The following CTBP2 variants were observed in gnomAD, a reference collection of about 807,000 sequenced individuals.
CTBP2 encodes the protein C-terminal-binding protein 2.
A neutral mutation model predicts 80.3 loss-of-function variants in CTBP2; 30 were observed. The ratio of observed to expected loss-of-function variants is 0.37; its 90% CI spans 0.28 to 0.51. The LOEUF (loss-of-function observed/expected upper bound fraction) is 0.51, where lower values mean the gene tolerates loss of function less well. Ranked by LOEUF, CTBP2 falls within the 20% of genes least tolerant of loss-of-function variation. The probability of loss-of-function intolerance (pLI) is 0.93; values close to 1 mark genes in which losing one functional copy is unlikely to be tolerated. For synonymous variants in CTBP2, 594 were observed against 587.4 expected (o/e 1.01, Z -0.16); for missense variants, 1,212 against 1,375.3 (o/e 0.88, Z 1.88).
At chr10:125,068,334 A>C (rs1844959854) in intron 2 of CTBP2, among the ~76,000 whole-genome samples, 1 of 152,254 alleles carries the variant, frequency 6.6e-6, no homozygotes, top group African/African-American at 2.4e-5. Flanking sequence ...AAAGAATTCA[A>C]ACTACGTAGA....
At chr10:125,084,647 A>G (rs1590655404) in intron 2 of CTBP2, among the ~76,000 whole-genome samples, 1 of 152,104 alleles carries the variant, frequency 6.6e-6, no homozygotes, top group Admixed American at 6.5e-5. Flanking sequence ...AGACCAGTGA[A>G]GCACTCAGAA....
chr10:125,096,111 CA>C (rs1327151698), intron 2 of CTBP2, among the ~76,000 whole-genome samples: 2 of 152,078 alleles, frequency 1.3e-5, no homozygotes, highest in Non-Finnish European at 2.9e-5. Context: ...TTGTCAAACA[CA>C]AAAAAAGCAA....
chr10:125,027,050 C>T lies in CTBP2; in HGVS notation c.710G>A (p.Ser237Asn). 2 of 1,613,448 alleles carry T rather than the reference C, an allele frequency of 1.2e-6. No individual in the cohort carries two copies. The highest frequency in any genetic ancestry group is 3.3e-5 in the Admixed American group (2 of 60,002). Reference sequence around the variant, plus strand: ...GCTGCCTTCGGGGGCAGCAGCTGAACTGGGGTCCACAACCAGGCACGTCGG... The same window carrying T: ...GCTGCCTTCGGGGGCAGCAGCTGAATTGGGGTCCACAACCAGGCACGTCGG... Residue 237 changes from serine to asparagine, a missense_variant, in exon 1 of 9, where the codon AGT becomes AAT. Ser to Asn is a conservative substitution (Grantham distance 46). Coordinates refer to ENST00000309035, the MANE Select transcript of CTBP2 (RefSeq NM_022802.3).
intron 3 of CTBP2, 113 bp downstream of exon 3, chr10:125,038,884 C>CGGA: frequency 9.6e-7 from 1 of 1,045,716 alleles, no homozygotes; most frequent in Middle Eastern, 2.1e-4. Flanking sequence ...GTGTTGGAAT[C>CGGA]GGAGGAGGGA....
intron 3 of CTBP2, among the ~76,000 whole-genome samples, chr10:125,001,965 TCA>T (rs3842241): frequency 0.16 from 24,997 of 152,096 alleles, 3,056 homozygotes; most frequent in African/African-American, 0.33. Context: ...AACACTCCGC[TCA>T]CACACAGAGC....
chr10:125,098,683 A>G (rs1850004852), intron 2 of CTBP2, among the ~76,000 whole-genome samples: 1 of 141,156 alleles, frequency 7.1e-6, no homozygotes, highest in African/African-American at 2.7e-5. Context: ...AGAGAGAGAG[A>G]GAGAGAGAGA....
At chr10:125,153,067 A>G (rs1325199976) in intron 1 of CTBP2, among the ~76,000 whole-genome samples, 3 of 152,230 alleles carry the variant, frequency 2.0e-5, no homozygotes, top group Admixed American at 6.5e-5. Context: ...TGCCTGTGCC[A>G]GGAGCCCACG....
Position 125,065,543 on chromosome 10 carries a change from A to C in CTBP2, c.-101-26388T>G, listed in dbSNP as rs1244034180. The stretch of plus-strand genomic sequence containing the variant: ...AAATGCCAGTATCAGGGAAATACCA[A>C]GTCCACATCCTGCGCAGTCAGCTCC... On this transcript the variant is annotated intron_variant, in intron 2 of 10. Coordinates refer to the CTBP2 transcript ENST00000337195. Among the ~76,000 whole-genome samples, 6 of 152,116 alleles carry C rather than the reference A, an allele frequency of 3.9e-5. No homozygotes were observed. In the East Asian group the frequency reaches 1.2e-3, roughly 29 times the overall value.
chr10:125,040,236 C>T (rs1205043691), intron 2 of CTBP2, among the ~76,000 whole-genome samples: 1 of 152,184 alleles, frequency 6.6e-6, no homozygotes, highest in Non-Finnish European at 1.5e-5. Flanking sequence ...GGGCAGATCA[C>T]CTGAGGTCAG....
intron 2 of CTBP2, among the ~76,000 whole-genome samples, chr10:125,051,857 G>T (rs951664374): frequency 6.6e-6 from 1 of 152,048 alleles, no homozygotes; most frequent in Admixed American, 6.6e-5. Context: ...AATCCAAGAC[G>T]AATATTCTCA....
intron 1 of CTBP2, among the ~76,000 whole-genome samples, chr10:125,135,773 G>A (rs972947819): frequency 1.3e-5 from 2 of 152,192 alleles, no homozygotes; most frequent in South Asian, 2.1e-4. Context: ...GACACTTCTC[G>A]GTGTGTGGCC....
chr10:125,083,441 G>T (rs1334740726), intron 2 of CTBP2, among the ~76,000 whole-genome samples: 3 of 152,164 alleles, frequency 2.0e-5, no homozygotes, highest in Non-Finnish European at 4.4e-5. Flanking sequence ...AACACTGACA[G>T]CCATGTGCAG....
At chr10:125,096,885 C>A (rs573478675) in intron 2 of CTBP2, among the ~76,000 whole-genome samples, 4 of 152,250 alleles carry the variant, frequency 2.6e-5, no homozygotes, top group African/African-American at 9.6e-5. Flanking sequence ...AACTGTGCAA[C>A]ATGAATTATT....
chr10:125,029,327 C>T (rs111809080), upstream of CTBP2, among the ~76,000 whole-genome samples: 12,965 of 151,148 alleles, frequency 0.086, 749 homozygotes, highest in Admixed American at 0.17. Context: ...CTGCAGTCTC[C>T]GCCTCCTGGG....
chr10:125,028,301 T>G (rs3012067), upstream of CTBP2, among the ~76,000 whole-genome samples: 61,099 of 152,036 alleles, frequency 0.4, 13,553 homozygotes, highest in East Asian at 0.63. Flanking sequence ...AAGGGGCTGT[T>G]CCCACCCCTG....
chr10:125,085,389 C>A (rs1416544646), intron 2 of CTBP2, among the ~76,000 whole-genome samples: 1 of 152,200 alleles, frequency 6.6e-6, no homozygotes, highest in East Asian at 1.9e-4. Context: ...CCTGTACACA[C>A]GCCTGACTCT....
At chr10:125,150,562 G>A (rs1380786406) in intron 1 of CTBP2, among the ~76,000 whole-genome samples, 1 of 151,984 alleles carries the variant, frequency 6.6e-6, no homozygotes, top group African/African-American at 2.4e-5. Flanking sequence ...AGAGCCAGGC[G>A]AAGTTGGTAG....
In CTBP2 at chr10:125,026,708, G is replaced by T. The variant is rs1957628521; in HGVS notation, c.1052C>A (p.Thr351Asn). 6.2e-7 allele frequency: 1 copy of T among 1,612,526 alleles called. No individual in the cohort carries two copies. The highest frequency in any genetic ancestry group is 8.5e-7 in the Non-Finnish European group (1 of 1,179,840). Residue 351 changes from threonine (T) to asparagine (N), a missense_variant, in exon 1 of 9, where the codon ACC becomes AAC. This residue lies in a region of CTBP2 where 848 missense variants were observed against 782.3 expected (regional missense o/e 1.08). Transcript: ENST00000309035. ...GTCCTGCCTCCGCAGCTGCATTTCG[G>T]TCCTGCAGCTATTGGCCAGGCGGCT...
chr10:124,992,359 C>T (rs1231299727), intron 8 of CTBP2, among the ~76,000 whole-genome samples: 1 of 151,932 alleles, frequency 6.6e-6, no homozygotes, highest in Non-Finnish European at 1.5e-5. Context: ...CTCAGCCTCC[C>T]TAGCAGCTGA....
Sources: allele counts gnomAD v4.1 joint callset (sites outside exome capture counted in the v4.1 genomes callset), GRCh38; gene constraint gnomAD v4.1.1; regional missense constraint gnomAD v4.1.1; transcripts MANE v1.5; gene names NCBI Gene and HGNC (gene_info 2026-07-23, HGNC 2026-07-21).